SHISA9: variants seen among roughly 807,000 people sequenced by gnomAD.
The protein encoded by SHISA9 is shisa family member 9.
SHISA9 carries 13 observed loss-of-function variants against 38.0 expected under a neutral mutation model. The ratio of observed to expected loss-of-function variants is 0.34; its 90% confidence interval spans 0.22 to 0.54. SHISA9 has a LOEUF of 0.54. Ranked by LOEUF, SHISA9 falls within the 20% of genes least tolerant of loss-of-function variation. SHISA9 has a pLI of 0.91. For synonymous variants in SHISA9, 275 were observed against 242.0 expected, an observed-to-expected ratio of 1.14 and a Z score of -1.27; for missense variants, 538 against 575.8, an observed-to-expected ratio of 0.93 and a Z score of 0.67.
At chr16:13,425,925 A>T in the SHISA9 span, among the ~76,000 whole-genome samples, 14 of 152,144 alleles carry the variant, frequency 9.2e-5, no homozygotes, top group African/African-American at 3.4e-4. Context: ...GCAAGCCTAG[A>T]TGGAGTTCTT....
intron 2 of SHISA9, among the ~76,000 whole-genome samples, chr16:13,183,109 C>G (rs1051740067): frequency 1.3e-5 from 2 of 152,198 alleles, no homozygotes; most frequent in Non-Finnish European, 2.9e-5. Context: ...ATTTGATGAC[C>G]TAGACACAAA....
At chr16:13,010,947 G>C (rs571896150) in intron 2 of SHISA9, among the ~76,000 whole-genome samples, 2 of 152,184 alleles carry the variant, frequency 1.3e-5, no homozygotes, top group Non-Finnish European at 2.9e-5. Flanking sequence ...GTGAGACTCT[G>C]TCTCAAATTT....
chr16:13,027,933 C>CAAAAAAAAA (rs1240201539), intron 2 of SHISA9, among the ~76,000 whole-genome samples: 6 of 103,684 alleles, frequency 5.8e-5, no homozygotes, highest in African/African-American at 1.2e-4. Context: ...GTCTCAAAAA[C>CAAAAAAAAA]AAAAAAAAAA....
intron 2 of SHISA9, among the ~76,000 whole-genome samples, chr16:13,019,760 T>C (rs569826308): frequency 1.3e-4 from 20 of 148,902 alleles, no homozygotes; most frequent in Admixed American, 2.7e-4. Context: ...TTTTCTTTTC[T>C]TTCTTTTCTT....
At chr16:13,360,337 T>C in the SHISA9 span, among the ~76,000 whole-genome samples, 3 of 152,184 alleles carry the variant, frequency 2.0e-5, no homozygotes, top group Non-Finnish European at 4.4e-5. Context: ...TGATATGGTT[T>C]GGCTATGTCA....
chr16:13,185,052 A>G (rs1318030926), intron 2 of SHISA9, among the ~76,000 whole-genome samples: 2 of 152,204 alleles, frequency 1.3e-5, no homozygotes, highest in Non-Finnish European at 2.9e-5. Flanking sequence ...AAGGTGCAAG[A>G]GTTTCACTTG....
chr16:13,368,120 A>G, the SHISA9 span, among the ~76,000 whole-genome samples: 1 of 152,142 alleles, frequency 6.6e-6, no homozygotes, highest in Non-Finnish European at 1.5e-5. Flanking sequence ...AACCAGGTCA[A>G]TCAACCAGCC....
chr16:13,433,019 C>G, the SHISA9 span, among the ~76,000 whole-genome samples: 4 of 151,420 alleles, frequency 2.6e-5, no homozygotes, highest in South Asian at 8.3e-4. Context: ...CCCCATGACA[C>G]AAGTTTAGCT....
At chr16:13,174,451 C>T (rs1167670290) in intron 2 of SHISA9, among the ~76,000 whole-genome samples, 3 of 152,176 alleles carry the variant, frequency 2.0e-5, no homozygotes, top group African/African-American at 7.2e-5. Context: ...GGTGCCTATA[C>T]CTCTTCCTTA....
At chr16:13,172,808 C>T (rs1449796905) in intron 2 of SHISA9, among the ~76,000 whole-genome samples, 2 of 143,120 alleles carry the variant, frequency 1.4e-5, no homozygotes, top group Admixed American at 7.3e-5. Flanking sequence ...AGAGAGGAGG[C>T]GGGATTGTAA....
intron 2 of SHISA9, among the ~76,000 whole-genome samples, chr16:13,076,982 A>G (rs1369281639): frequency 6.6e-6 from 1 of 152,206 alleles, no homozygotes; most frequent in Non-Finnish European, 1.5e-5. Context: ...TGCCTGGGTT[A>G]CAACCGGGTT....
the SHISA9 span, among the ~76,000 whole-genome samples, chr16:13,321,360 G>T: frequency 2.0e-5 from 3 of 152,314 alleles, no homozygotes; most frequent in South Asian, 2.1e-4. Flanking sequence ...ATGAACGAAT[G>T]AATGATTTTT....
the SHISA9 span, among the ~76,000 whole-genome samples, chr16:13,453,712 C>G: frequency 6.6e-6 from 1 of 152,228 alleles, no homozygotes; most frequent in Admixed American, 6.5e-5. Context: ...TTTTAAGCCA[C>G]TACATTTTAA....
At chr16:13,446,992 A>T in the SHISA9 span, among the ~76,000 whole-genome samples, 1 of 151,924 alleles carries the variant, frequency 6.6e-6, no homozygotes, top group Non-Finnish European at 1.5e-5. Flanking sequence ...AAAAGAAAAA[A>T]AAAAAAGTGA....
At chr16:13,363,754 C>T in the SHISA9 span, among the ~76,000 whole-genome samples, 1 of 152,152 alleles carries the variant, frequency 6.6e-6, no homozygotes, top group African/African-American at 2.4e-5. Context: ...GCATGCATTG[C>T]TTGGTGGTTT....
At chr16:13,264,418 C>A in the SHISA9 span, among the ~76,000 whole-genome samples, 1 of 152,012 alleles carries the variant, frequency 6.6e-6, no homozygotes, top group African/African-American at 2.4e-5. Context: ...AGTGATTCGC[C>A]CCCCTCGGCT....
chr16:13,421,969 T>A, the SHISA9 span, among the ~76,000 whole-genome samples: 2 of 152,226 alleles, frequency 1.3e-5, no homozygotes, highest in Admixed American at 6.5e-5. Flanking sequence ...ATCTAAGCCC[T>A]TTGTGGGGCT....
intron 2 of SHISA9, among the ~76,000 whole-genome samples, chr16:13,191,163 G>A (rs901279117): frequency 3.9e-5 from 6 of 152,178 alleles, no homozygotes; most frequent in Non-Finnish European, 7.3e-5. Context: ...ATAAAGATTT[G>A]GAAAGGTTAG....
At chr16:13,089,615 G>GT (rs2073752341) in intron 2 of SHISA9, among the ~76,000 whole-genome samples, 2 of 152,262 alleles carry the variant, frequency 1.3e-5, no homozygotes, top group South Asian at 4.2e-4. Context: ...TTCTCTGATG[G>GT]TAGTTTGTAT....
Sources: allele counts gnomAD v4.1 joint callset (sites outside exome capture counted in the v4.1 genomes callset), GRCh38; gene constraint gnomAD v4.1.1; transcripts MANE v1.5; gene names NCBI Gene and HGNC (gene_info 2026-07-23, HGNC 2026-07-21).